The following WDFY3 variants were observed in gnomAD, a reference collection of about 807,000 sequenced individuals.
WDFY3 encodes WD repeat and FYVE domain containing 3.
Under a neutral mutation model 409.6 loss-of-function variants are expected in WDFY3, and 66 were observed. The observed-to-expected ratio is 0.16, with a 90% confidence interval of 0.13 to 0.20. The LOEUF (loss-of-function observed/expected upper bound fraction) is 0.20, where lower values mean the gene tolerates loss of function less well. WDFY3 is among the 10% of genes least tolerant of loss of function. The pLI is 1.00. For missense variants in WDFY3, 3,031 were observed against 4,298.1 expected (o/e 0.71, Z 8.24); for synonymous variants, 1,521 against 1,537.1 (o/e 0.99, Z 0.25).
chr4:84,850,636 C>T (rs1298000627), intron 4 of WDFY3, among the ~76,000 whole-genome samples: 1 of 151,830 alleles, frequency 6.6e-6, no homozygotes, highest in Non-Finnish European at 1.5e-5. Flanking sequence ...CTGAGGAAAG[C>T]TAATTTGAGA....
At chr4:84,689,660 T>C (rs1728921461) in intron 61 of WDFY3, among the ~76,000 whole-genome samples, 1 of 152,198 alleles carries the variant, frequency 6.6e-6, no homozygotes, top group Non-Finnish European at 1.5e-5. Flanking sequence ...CAGAACTTAA[T>C]TTAAATTATA....
Position 84,878,746 on chromosome 4 carries a change from T to C in WDFY3, c.-31-18124A>G, listed in dbSNP as rs532383218. On this transcript the variant is annotated intron_variant, in intron 3 of 67. Coordinates refer to ENST00000295888, the MANE Select transcript of WDFY3 (RefSeq NM_014991.6). ...ATCATACATCACGTGTTACCAAAAA[T>C]GGAATTTCCCAGTGTACTCATGTGC... Among the ~76,000 whole-genome samples the C allele has an allele frequency of 5.3e-5, 8 of 152,284 alleles. No homozygotes were observed. In the South Asian group the frequency reaches 1.5e-3, roughly 28 times the overall value.
chr4:84,744,252 C>T (rs1242812554), intron 36 of WDFY3, among the ~76,000 whole-genome samples: 1 of 151,206 alleles, frequency 6.6e-6, no homozygotes, highest in Non-Finnish European at 1.5e-5. Flanking sequence ...CAATGAAATA[C>T]AGGTAAAATA....
intron 1 of WDFY3, among the ~76,000 whole-genome samples, chr4:84,960,924 G>A (rs1288083115): frequency 6.6e-5 from 10 of 151,686 alleles, no homozygotes; most frequent in South Asian, 4.2e-4. Flanking sequence ...CTAAAACTAC[G>A]TGAAATTTCA....
At chr4:84,939,261 C>G (rs1056262981) in intron 1 of WDFY3, among the ~76,000 whole-genome samples, 2 of 152,178 alleles carry the variant, frequency 1.3e-5, no homozygotes, top group African/African-American at 4.8e-5. Context: ...GTTATGCAGT[C>G]TTGGCCAGAA....
intron 2 of WDFY3, among the ~76,000 whole-genome samples, chr4:84,927,541 AC>A (rs1770161893): frequency 6.6e-6 from 1 of 152,108 alleles, no homozygotes; most frequent in Non-Finnish European, 1.5e-5. Context: ...TTGTGTCCCC[AC>A]CCAAATTTCA....
intron 18 of WDFY3, 47 bp downstream of exon 18, chr4:84,797,949 G>T: frequency 6.8e-7 from 1 of 1,471,028 alleles, no homozygotes. Context: ...TCCCCTACAT[G>T]ATTTTCATTC....
chr4:84,683,471 A>C (rs1036772019), intron 63 of WDFY3, among the ~76,000 whole-genome samples: 1 of 152,244 alleles, frequency 6.6e-6, no homozygotes, highest in African/African-American at 2.4e-5. Flanking sequence ...AGCACATAGC[A>C]ACCTAAGAAA....
intron 15 of WDFY3, among the ~76,000 whole-genome samples, chr4:84,807,039 CCAT>C (rs1380203796): frequency 9.2e-5 from 14 of 152,098 alleles, no homozygotes; most frequent in African/African-American, 3.4e-4. Context: ...GATATAATCA[CCAT>C]ATTTTTAAAT....
At chr4:84,784,393 C>T (rs1747100507) in intron 24 of WDFY3, among the ~76,000 whole-genome samples, 1 of 152,134 alleles carries the variant, frequency 6.6e-6, no homozygotes, top group Non-Finnish European at 1.5e-5. Context: ...CAATATTCCT[C>T]CCAACTCTAC....
intron 44 of WDFY3, among the ~76,000 whole-genome samples, chr4:84,727,849 T>C (rs920214689): frequency 6.6e-6 from 1 of 152,190 alleles, no homozygotes; most frequent in African/African-American, 2.4e-5. Context: ...TGATTCTTTC[T>C]TTTTAAAAGC....
At chr4:84,929,448 T>C (rs2150943494) in intron 2 of WDFY3, among the ~76,000 whole-genome samples, 1 of 151,726 alleles carries the variant, frequency 6.6e-6, no homozygotes, top group East Asian at 1.9e-4. Flanking sequence ...ATTTGTTATG[T>C]AGGGCAATAG....
intron 61 of WDFY3, among the ~76,000 whole-genome samples, chr4:84,689,700 G>A (rs1028779574): frequency 6.6e-6 from 1 of 152,128 alleles, no homozygotes; most frequent in Non-Finnish European, 1.5e-5. Flanking sequence ...CTTTAGACTT[G>A]TGTCTTGACC....
intron 2 of WDFY3, among the ~76,000 whole-genome samples, chr4:84,916,173 A>G (rs1768459596): frequency 6.6e-6 from 1 of 152,186 alleles, no homozygotes; most frequent in Non-Finnish European, 1.5e-5. Flanking sequence ...ACGACACAAA[A>G]ATAACAGGTC....
chr4:84,791,467 G>T lies in WDFY3; in HGVS notation c.3488-1560C>A, dbSNP rs1748507780. Among the ~76,000 whole-genome samples, 3 of 152,266 alleles carry T rather than the reference G, an allele frequency of 2.0e-5. No homozygotes were observed. The South Asian group carries it at 6.2e-4, about 32-fold the overall frequency. ...AGTGAGGCAAGAGGAAAAAAAGCTT[G>T]AGATTTGCTCTACAACACTGCAACT... is the stretch of plus-strand genomic sequence containing the variant. On this transcript the variant is annotated intron_variant, in intron 21 of 67. Coordinates refer to ENST00000295888, the MANE Select transcript of WDFY3 (RefSeq NM_014991.6).
At chr4:84,674,225 T>A (rs187747754) in intron 67 of WDFY3, among the ~76,000 whole-genome samples, 1 of 152,248 alleles carries the variant, frequency 6.6e-6, no homozygotes, top group East Asian at 1.9e-4. Context: ...AATTAAACAC[T>A]ACAAAGAACA....
At chr4:84,870,171 G>A (rs1012241699) in intron 3 of WDFY3, among the ~76,000 whole-genome samples, 16 of 152,190 alleles carry the variant, frequency 1.1e-4, no homozygotes, top group South Asian at 4.1e-4. Context: ...ACTGTTAAAA[G>A]AACATGTACT....
intron 15 of WDFY3, among the ~76,000 whole-genome samples, chr4:84,806,477 G>C (rs1751524142): frequency 6.6e-6 from 1 of 152,144 alleles, no homozygotes; most frequent in Admixed American, 6.5e-5. Flanking sequence ...CAAAGACCTG[G>C]TTATCTCTAC....
chr4:84,823,741 T>C (rs1004448194), intron 10 of WDFY3, among the ~76,000 whole-genome samples: 1 of 152,164 alleles, frequency 6.6e-6, no homozygotes, highest in Admixed American at 6.6e-5. Context: ...ACATACTTAG[T>C]AGAATGTCTA....
Sources: allele counts gnomAD v4.1 joint callset (sites outside exome capture counted in the v4.1 genomes callset), GRCh38; gene constraint gnomAD v4.1.1; transcripts MANE v1.5; gene names NCBI Gene and HGNC (gene_info 2026-07-23, HGNC 2026-07-21).